ELF2: variants seen among roughly 807,000 people sequenced by gnomAD.
ELF2 encodes the protein E74 like ETS transcription factor 2, also known as ETS-related transcription factor Elf-2.
A neutral mutation model predicts 54.8 loss-of-function variants in ELF2; 11 were observed. The observed-to-expected ratio is 0.20, with a 90% CI of 0.13 to 0.33. The LOEUF (loss-of-function observed/expected upper bound fraction) is 0.33. ELF2 is among the 10% of genes least tolerant of loss of function. The pLI, the probability that ELF2 is intolerant of heterozygous loss-of-function variation, is 1.00. For synonymous variants in ELF2, 203 were observed against 245.1 expected (o/e 0.83, Z 1.61); for missense variants, 513 against 703.0 (o/e 0.73, Z 3.06).
intron 3 of ELF2, among the ~76,000 whole-genome samples, chr4:139,131,065 A>G (rs1737442448): frequency 6.6e-6 from 1 of 152,208 alleles, no homozygotes; most frequent in African/African-American, 2.4e-5. Context: ...TATTTTACTT[A>G]GCATTACTTT....
In ELF2 at chr4:139,059,489, T is replaced by A; in HGVS notation, c.1276A>T (p.Thr426Ser). 1.2e-6 allele frequency: 2 copies of A among 1,613,982 alleles called. No homozygotes were observed. Among genetic ancestry groups the A allele is most frequent in the South Asian group, 2.2e-5 (2 of 91,076 alleles). Residue 426 changes from threonine (T) to serine (S), a missense_variant, in exon 10 of 10, where the codon ACA (threonine) becomes TCA (serine). Coordinates refer to ENST00000686138, the MANE Select transcript of ELF2 (RefSeq NM_001331036.3). Reference protein sequence around the residue: ...GAPLITSTSPTTATSPKVVIQ... With the variant: ...GAPLITSTSPSTATSPKVVIQ... ...ACTACCTTTGGAGAGGTCGCTGTTG[T>A]TGGACTAGTGCTGGTTATTAATGGT...
Position 139,123,579 on chromosome 4 carries a change from A to G in ELF2, c.238+1585T>C, listed in dbSNP as rs1235953717. Among the ~76,000 whole-genome samples the G allele has an allele frequency of 2.0e-5, 3 of 152,324 alleles. No individual in the cohort carries two copies. The East Asian group carries it at 5.8e-4, about 29-fold the overall frequency. ...TTATACCAATAATAAGATTCAACCAATCTGCTCTGGTATTTTAATGTGATA... is the reference window on the plus strand; with the variant it reads ...TTATACCAATAATAAGATTCAACCAGTCTGCTCTGGTATTTTAATGTGATA... On this transcript the variant is annotated intron_variant, in intron 4 of 9. Transcript: ENST00000686138.
In ELF2 at chr4:139,086,629, T is replaced by G. The variant is rs1282052704; in HGVS notation, c.239-13062A>C. 3.3e-5 allele frequency among the ~76,000 whole-genome samples: 5 copies of G among 152,200 alleles called. No homozygotes were observed. The East Asian group carries it at 9.6e-4, about 29-fold the overall frequency. On this transcript the variant is annotated intron_variant, in intron 4 of 9. Transcript: ENST00000686138. ...ACTTACTTTAAGCAAGTTTCTGTTATAGGTGCTTATTAAGCTGGTAGCACT... is the reference window on the plus strand; with the variant it reads ...ACTTACTTTAAGCAAGTTTCTGTTAGAGGTGCTTATTAAGCTGGTAGCACT...
chr4:139,100,429 A>C (rs1191082575), intron 4 of ELF2: 1 of 152,308 alleles, frequency 6.6e-6, no homozygotes, highest in African/African-American at 2.4e-5. Flanking sequence ...AGGCTGAGGC[A>C]GAAGGATCGC....
intron 4 of ELF2, among the ~76,000 whole-genome samples, chr4:139,118,654 A>G (rs1735999850): frequency 1.3e-5 from 2 of 152,174 alleles, no homozygotes. Flanking sequence ...ATGACAAGGA[A>G]AAAGTATAAA....
chr4:139,164,613 G>A (rs1259071119), intron 1 of ELF2, among the ~76,000 whole-genome samples: 1 of 152,188 alleles, frequency 6.6e-6, no homozygotes, highest in Non-Finnish European at 1.5e-5. Context: ...CTCTAGCCTA[G>A]GTGACAGAAT....
chr4:139,077,981 A>G (rs1730558113), intron 4 of ELF2, among the ~76,000 whole-genome samples: 1 of 152,228 alleles, frequency 6.6e-6, no homozygotes, highest in Non-Finnish European at 1.5e-5. Flanking sequence ...AATAAATTTC[A>G]AGAACTGTTT....
intron 4 of ELF2, among the ~76,000 whole-genome samples, chr4:139,076,986 A>G (rs1190571837): frequency 6.6e-6 from 1 of 152,168 alleles, no homozygotes; most frequent in Non-Finnish European, 1.5e-5. Context: ...TGCATAAATT[A>G]CCTATGAAGT....
At chr4:139,106,270 A>G (rs2148797413) in intron 4 of ELF2, among the ~76,000 whole-genome samples, 1 of 152,312 alleles carries the variant, frequency 6.6e-6, no homozygotes. Context: ...TACAGCAGGG[A>G]TCATAAAACT....
Position 139,059,425 on chromosome 4 carries a change from T to G in ELF2, c.1340A>C (p.Glu447Ala). ...TIPTVMPAST[E>A]NGDKITMQPA... ...CTGCATGGTGATTTTGTCTCCATTT[T>G]CAGTAGAAGCTGGCATCACAGTAGG... The change falls in exon 10 of 10, where the codon GAA becomes GCA. Residue 447 changes from glutamate (E) to alanine (A), a missense_variant. Physicochemically the swap from Glu to Ala is moderately radical, Grantham distance 107. Around this residue, in one of 3 missense-constraint regions of ELF2, gnomAD observed 291 missense variants for 366.1 expected, o/e 0.79. Transcript: ENST00000686138. 3 of 1,614,016 alleles carry G rather than the reference T, an allele frequency of 1.9e-6. No individual in the cohort carries two copies. The highest frequency in any genetic ancestry group is 2.5e-6 in the Non-Finnish European group (3 of 1,179,874).
intron 3 of ELF2, among the ~76,000 whole-genome samples, chr4:139,132,932 C>G (rs910902010): frequency 1.4e-5 from 2 of 146,562 alleles, no homozygotes; most frequent in African/African-American, 5.1e-5. Flanking sequence ...TTGCTCTGTC[C>G]CCAGGCTGGA....
At chr4:139,097,368 C>T (rs1227511366) in intron 4 of ELF2, among the ~76,000 whole-genome samples, 1 of 152,128 alleles carries the variant, frequency 6.6e-6, no homozygotes, top group African/African-American at 2.4e-5. Flanking sequence ...GACGCGGTGG[C>T]ACTTTGGGAG....
chr4:139,126,473 C>T (rs973843568), intron 3 of ELF2, among the ~76,000 whole-genome samples: 6 of 151,370 alleles, frequency 4.0e-5, no homozygotes, highest in South Asian at 2.1e-4. Flanking sequence ...TTTGAAAGGA[C>T]CCACCAAGTG....
chr4:139,149,422 C>A (rs1175785710), intron 1 of ELF2, among the ~76,000 whole-genome samples: 1 of 152,106 alleles, frequency 6.6e-6, no homozygotes, highest in African/African-American at 2.4e-5. Context: ...CCAGCCTGGC[C>A]AACATGGTGA....
At chr4:139,114,214 A>G (rs971115926) in intron 4 of ELF2, among the ~76,000 whole-genome samples, 7 of 152,170 alleles carry the variant, frequency 4.6e-5, no homozygotes, top group Non-Finnish European at 7.4e-5. Context: ...GTTATTTTGT[A>G]TAATTTTAAA....
chr4:139,092,099 C>G (rs1231300471), intron 4 of ELF2, among the ~76,000 whole-genome samples: 2 of 151,636 alleles, frequency 1.3e-5, no homozygotes, highest in African/African-American at 4.8e-5. Context: ...TGGTGGCTCA[C>G]CCCTGTAATC....
intron 1 of ELF2, among the ~76,000 whole-genome samples, chr4:139,148,193 T>C (rs992191648): frequency 1.3e-5 from 2 of 151,648 alleles, no homozygotes; most frequent in Admixed American, 1.3e-4. Context: ...ATGTGATTTT[T>C]TTGGGGGGGT....
chr4:139,133,083 G>A (rs955180840), intron 3 of ELF2, among the ~76,000 whole-genome samples: 48 of 151,710 alleles, frequency 3.2e-4, no homozygotes, highest in African/African-American at 1.0e-3. Context: ...CACCATGCCC[G>A]GCTAATTTTT....
rs992679515 is a variant in ELF2, at chr4:139,092,484, G to A, written c.239-18917C>T. ...AACATAACATAACATAGGGCCGGGC[G>A]CGGTGGCTCACACCTCTAATCCCAC... On this transcript the variant is annotated intron_variant, in intron 4 of 9. Transcript: ENST00000686138. Among the ~76,000 whole-genome samples, 4 of 129,756 alleles carry A rather than the reference G, an allele frequency of 3.1e-5. 1 individual carries two copies. Among genetic ancestry groups the A allele is most frequent in the Admixed American group, 1.5e-4 (2 of 13,106 alleles). 85.1% of individuals were successfully genotyped at this position (129,756 alleles called of 152,430 possible). A position where few individuals can be genotyped will look rare whatever the true frequency, so the allele number is the denominator to read the frequency against.
Sources: gnomAD v4.1 joint callset for allele counts (sites outside exome capture counted in the v4.1 genomes callset) on GRCh38, gnomAD v4.1.1 for gene constraint, gnomAD v4.1.1 regional missense constraint, MANE v1.5 for transcripts, NCBI Gene and HGNC (gene_info 2026-07-23, HGNC 2026-07-21) for gene names.